The following KANK1 variants were observed in gnomAD, a reference collection of about 807,000 sequenced individuals.
KANK1 encodes KN motif and ankyrin repeat domain-containing protein 1.
In KANK1, 109 loss-of-function variants were observed where a neutral mutation model predicts 106.2. The ratio of observed to expected loss-of-function variants is 1.03; its 90% CI spans 0.88 to 1.20. The LOEUF (loss-of-function observed/expected upper bound fraction) is 1.20, where lower values mean the gene tolerates loss of function less well. Among genes scored for constraint, KANK1 ranks in the 50% most tolerant of loss-of-function variants. The probability of loss-of-function intolerance (pLI) is 0.00; values close to 1 mark genes in which losing one functional copy is unlikely to be tolerated. For synonymous variants in KANK1, 873 were observed against 652.2 expected, an observed-to-expected ratio of 1.34 and a Z score of -5.16; for missense variants, 2,399 against 1,710.7, an observed-to-expected ratio of 1.40 and a Z score of -7.10.
chr9:550,545 G>C (rs1277421300), intron 1 of KANK1, among the ~76,000 whole-genome samples: 1 of 152,188 alleles, frequency 6.6e-6, no homozygotes, highest in African/African-American at 2.4e-5. Context: ...AGGAGTTTGA[G>C]GCCGCAATGA....
intron 1 of KANK1, among the ~76,000 whole-genome samples, chr9:561,867 T>C (rs1816534012): frequency 6.6e-6 from 1 of 152,214 alleles, no homozygotes; most frequent in Non-Finnish European, 1.5e-5. Flanking sequence ...TGCAGACGTT[T>C]TCTGTATTCA....
intron 1 of KANK1, among the ~76,000 whole-genome samples, chr9:538,431 A>C (rs2060419271): frequency 6.6e-6 from 1 of 152,190 alleles, no homozygotes; most frequent in Non-Finnish European, 1.5e-5. Flanking sequence ...AAAAACATTT[A>C]TAGCATTTCA....
At chr9:727,713 T>TGC (rs1831106317) in intron 3 of KANK1, among the ~76,000 whole-genome samples, 1 of 150,682 alleles carries the variant, frequency 6.6e-6, no homozygotes, top group Admixed American at 6.6e-5. Flanking sequence ...TGTGTGTGTG[T>TGC]GTGTATGTGT....
At chr9:733,738 G>C (rs1380345131) in intron 6 of KANK1, 1 of 152,156 alleles carries the variant, frequency 6.6e-6, no homozygotes, top group East Asian at 1.9e-4. Context: ...CTCCAGTCTG[G>C]GTGACAGAGC....
intron 1 of KANK1, among the ~76,000 whole-genome samples, chr9:553,049 G>C (rs1029842352): frequency 6.6e-6 from 1 of 152,176 alleles, no homozygotes; most frequent in African/African-American, 2.4e-5. Context: ...GGGAGGCTGA[G>C]GTGGCAGGAT....
At position 738,512 on chromosome 9, in the gene KANK1, G is replaced by C. The variant is rs1238174707; in HGVS notation, c.3553+8G>C. 6.2e-7 allele frequency: 1 copy of C among 1,608,946 alleles called. No homozygotes were observed. The highest frequency in any genetic ancestry group is 8.5e-7 in the Non-Finnish European group (1 of 1,175,342). ...AGCTGCTGTTAGATGCCGGTATGTTGGCTGCCCTTCCACCCTCTCTTCTCT... is the reference window on the plus strand; with the variant it reads ...AGCTGCTGTTAGATGCCGGTATGTTCGCTGCCCTTCCACCCTCTCTTCTCT... On this transcript the variant is annotated splice_region_variant and intron_variant, in intron 8 of 11. Coordinates refer to ENST00000382297, the MANE Select transcript of KANK1 (RefSeq NM_015158.5).
intron 1 of KANK1, among the ~76,000 whole-genome samples, chr9:623,172 A>G (rs1345091686): frequency 6.6e-6 from 1 of 152,172 alleles, no homozygotes; most frequent in Admixed American, 6.5e-5. Context: ...GTAAAAGGTC[A>G]ATGTCCATAA....
chr9:531,264 A>T (rs1223531338), intron 1 of KANK1, among the ~76,000 whole-genome samples: 1 of 152,000 alleles, frequency 6.6e-6, no homozygotes, highest in Non-Finnish European at 1.5e-5. Context: ...CAAAGCAAGA[A>T]CCTTCCCTCT....
chr9:563,969 C>G (rs1298777410), intron 1 of KANK1, among the ~76,000 whole-genome samples: 1 of 152,048 alleles, frequency 6.6e-6, no homozygotes. Context: ...CTGTGAACCT[C>G]TAGAAGACAG....
rs1230721648 is a variant in KANK1 at position 710,800 on chromosome 9, C to G, written c.38-4C>G. 21 of 1,568,822 alleles carry G rather than the reference C, an allele frequency of 1.3e-5. No individual in the cohort carries two copies. Among genetic ancestry groups the G allele is most frequent in the Non-Finnish European group, 1.7e-5 (20 of 1,162,530 alleles). On this transcript the variant is annotated splice_region_variant and splice_polypyrimidine_tract_variant and intron_variant, in intron 2 of 11. Transcript: ENST00000382297. Reference sequence around the variant, plus strand: ...ATTATAATATTCTTTTCTCCCTCTTCTAGGAAAAGCAGGTGATATTCTCAG... The same window carrying G: ...ATTATAATATTCTTTTCTCCCTCTTGTAGGAAAAGCAGGTGATATTCTCAG...
At chr9:671,485 A>T (rs1385544812) in intron 1 of KANK1, among the ~76,000 whole-genome samples, 1 of 16,776 alleles carries the variant, frequency 6.0e-5, no homozygotes, top group Non-Finnish European at 1.0e-4. Context: ...CTCTACTGAA[A>T]ATACAAAAAT....
intron 3 of KANK1, among the ~76,000 whole-genome samples, chr9:491,552 C>T (rs2058378435): frequency 6.6e-6 from 1 of 152,140 alleles, no homozygotes; most frequent in Non-Finnish European, 1.5e-5. Context: ...CAGGTGTGAG[C>T]CACTGTGCCC....
chr9:741,973 C>T (rs1835703741), intron 9 of KANK1, among the ~76,000 whole-genome samples: 1 of 152,210 alleles, frequency 6.6e-6, no homozygotes, highest in Non-Finnish European at 1.5e-5. Context: ...TCTACTGAGA[C>T]ATCCTCCACG....
chr9:703,324 T>G (rs1250157179), intron 2 of KANK1, among the ~76,000 whole-genome samples: 1 of 152,128 alleles, frequency 6.6e-6, no homozygotes, highest in Non-Finnish European at 1.5e-5. Context: ...GTCACTGATC[T>G]CAATTAGTGT....
intron 1 of KANK1, among the ~76,000 whole-genome samples, chr9:563,053 G>T (rs2134466430): frequency 6.6e-6 from 1 of 152,196 alleles, no homozygotes; most frequent in South Asian, 2.1e-4. Context: ...TTTTTCAGGT[G>T]ATTTCTAATT....
intron 4 of KANK1, 93 bp from the exon 5 acceptor site, chr9:731,065 T>G: frequency 1.7e-6 from 1 of 603,026 alleles, no homozygotes; most frequent in Non-Finnish European, 2.9e-6. Context: ...AGATCTACAT[T>G]TACATGCATG....
At chr9:649,555 G>C (rs1840429999) in intron 1 of KANK1, among the ~76,000 whole-genome samples, 1 of 152,158 alleles carries the variant, frequency 6.6e-6, no homozygotes, top group African/African-American at 2.4e-5. Context: ...CCTGATTATA[G>C]CTACACACTA....
chr9:537,127 A>C (rs989334728), intron 1 of KANK1, among the ~76,000 whole-genome samples: 13 of 152,216 alleles, frequency 8.5e-5, no homozygotes, highest in African/African-American at 3.1e-4. Context: ...CCCTTTCATA[A>C]CGGAAATACT....
intron 1 of KANK1, among the ~76,000 whole-genome samples, chr9:612,018 G>A (rs923832240): frequency 1.3e-5 from 2 of 152,088 alleles, no homozygotes; most frequent in Non-Finnish European, 1.5e-5. Flanking sequence ...GCGCCCGGCC[G>A]ACCATCTAAC....
Sources: allele counts gnomAD v4.1 joint callset (sites outside exome capture counted in the v4.1 genomes callset), GRCh38; gene constraint gnomAD v4.1.1; transcripts MANE v1.5; gene names NCBI Gene and HGNC (gene_info 2026-07-23, HGNC 2026-07-21).